The following ANAPC1 variants were observed in gnomAD, a reference collection of about 807,000 sequenced individuals.
ANAPC1 encodes the protein anaphase-promoting complex subunit 1.
In ANAPC1, 36 loss-of-function variants were observed where a neutral mutation model predicts 208.0. The observed-to-expected ratio is 0.17, with a 90% CI of 0.13 to 0.23. ANAPC1 has a LOEUF of 0.23. Ranked by LOEUF, ANAPC1 falls within the 10% of genes least tolerant of loss-of-function variation. The probability of loss-of-function intolerance (pLI) is 1.00; values close to 1 mark genes in which losing one functional copy is unlikely to be tolerated. For synonymous variants in ANAPC1, 378 were observed against 695.2 expected (o/e 0.54, Z 7.18); for missense variants, 942 against 2,011.6 (o/e 0.47, Z 10.17).
In ANAPC1 at chr2:111,838,502, T is replaced by A. The variant is rs768031706; in HGVS notation, c.2051A>T (p.Glu684Val). ...RLAWTRNFDF[E>V]GSLSPVIAPK... ...CGCAATGACAGGAGAAAGTGATCCTTCAAAGTCAAACTGAAAAGTAACCCC... is the reference window on the plus strand; with the variant it reads ...CGCAATGACAGGAGAAAGTGATCCTACAAAGTCAAACTGAAAAGTAACCCC... The change falls in exon 18 of 48, where the codon GAA becomes GTA. Residue 684 changes from glutamate to valine, a missense_variant. Transcript: ENST00000341068. 6.2e-7 allele frequency: 1 copy of A among 1,604,306 alleles called. No homozygotes were observed.
intron 8 of ANAPC1, 129 bp downstream of exon 8, chr2:111,864,677 G>A (rs1008593147): frequency 1.4e-6 from 2 of 1,478,346 alleles, no homozygotes; most frequent in Middle Eastern, 2.6e-4. Context: ...GGCCAGGCTG[G>A]TCTTGAACGT....
chr2:111,790,694 A>C (rs1223716428), intron 38 of ANAPC1, among the ~76,000 whole-genome samples: 1 of 152,060 alleles, frequency 6.6e-6, no homozygotes, highest in Non-Finnish European at 1.5e-5. Flanking sequence ...AAAAACTATA[A>C]AAGAAGAACA....
chr2:111,825,114 G>A lies in ANAPC1; in HGVS notation c.2741+17C>T, dbSNP rs958280582. The A allele has an allele frequency of 6.2e-7, 1 of 1,613,794 alleles. No individual in the cohort carries two copies. The highest frequency in any genetic ancestry group is 1.3e-5 in the African/African-American group (1 of 74,906). ...TTTAAGTGTTTGACATAAAAGCACA[G>A]TCTAAATAAAAGTCACCTGTTTTCC... On this transcript the variant is annotated intron_variant, in intron 23 of 47. Coordinates refer to ENST00000341068, the MANE Select transcript of ANAPC1 (RefSeq NM_022662.4).
intron 13 of ANAPC1, among the ~76,000 whole-genome samples, 194 bp from the exon 14 acceptor site, chr2:111,851,104 TA>T (rs200541885): frequency 1.3e-5 from 2 of 151,596 alleles, no homozygotes; most frequent in East Asian, 3.9e-4. Flanking sequence ...TATGTTGGTA[TA>T]ATTTTTTTTT....
In ANAPC1 at chr2:111,834,680, A is replaced by T. The variant is rs1222507369; in HGVS notation, c.2308T>A (p.Tyr770Asn). Residue 770 changes from tyrosine to asparagine, a missense_variant, in exon 19 of 48, where the codon TAT becomes AAT. Coordinates refer to ENST00000341068, the MANE Select transcript of ANAPC1 (RefSeq NM_022662.4). ...AGAGTATTCAACTTAAGCTCCTCAT[A>T]CACAAGGTGAAGAACGAAAAAAATT... Reference protein sequence around the residue: ...PAIFFVLHLVYEELKLNTLMG... With the variant: ...PAIFFVLHLVNEELKLNTLMG... 61 of 1,613,536 alleles carry T rather than the reference A, an allele frequency of 3.8e-5. No homozygotes were observed. Among genetic ancestry groups the T allele is most frequent in the Non-Finnish European group, 5.1e-5 (60 of 1,179,792 alleles).
chr2:111,791,392 A>C (rs1442348152), intron 38 of ANAPC1, among the ~76,000 whole-genome samples: 1 of 149,624 alleles, frequency 6.7e-6, no homozygotes, highest in African/African-American at 2.5e-5. Flanking sequence ...ACTGAAAGTG[A>C]ATACACACGT....
chr2:111,840,695 G>A lies in ANAPC1; in HGVS notation c.2041-2183C>T, dbSNP rs190058503. On this transcript the variant is annotated intron_variant, in intron 17 of 47. Coordinates refer to ENST00000341068, the MANE Select transcript of ANAPC1 (RefSeq NM_022662.4). The stretch of plus-strand genomic sequence containing the variant: ...TCTATGAGGCTTAATCTTTTCACAT[G>A]TAATAAAGAACAGAAAAATTGGGGA... Among the ~76,000 whole-genome samples, 7 of 152,266 alleles carry A rather than the reference G, an allele frequency of 4.6e-5. No individual in the cohort carries two copies. In the East Asian group the frequency reaches 1.2e-3, roughly 25 times the overall value.
At chr2:111,832,913 G>C (rs992085745) in intron 20 of ANAPC1, among the ~76,000 whole-genome samples, 16 of 120,152 alleles carry the variant, frequency 1.3e-4, no homozygotes, top group African/African-American at 3.2e-4. Context: ...ACCCCAGCCT[G>C]GGTGACAGAG....
rs913028394 is a variant in ANAPC1 at position 111,827,611 on chromosome 2, C to T, written c.2626-1756G>A. Among the ~76,000 whole-genome samples, 37 of 151,976 alleles carry T rather than the reference C, an allele frequency of 2.4e-4. 1 individual carries two copies. Among genetic ancestry groups the T allele is most frequent in the African/African-American group, 8.7e-4 (36 of 41,442 alleles). On this transcript the variant is annotated intron_variant, in intron 21 of 47. Coordinates refer to ENST00000341068, the MANE Select transcript of ANAPC1 (RefSeq NM_022662.4). Reference sequence around the variant, plus strand: ...CTCTACTAAAAATACAAAAATTAGCCGGGTGTGATGGTGTGCACCTGTGGT... The same window carrying T: ...CTCTACTAAAAATACAAAAATTAGCTGGGTGTGATGGTGTGCACCTGTGGT...
intron 13 of ANAPC1, among the ~76,000 whole-genome samples, chr2:111,854,586 C>G (rs1336425200): frequency 6.6e-6 from 1 of 152,212 alleles, no homozygotes; most frequent in Non-Finnish European, 1.5e-5. Context: ...AGTGTAGCCA[C>G]CTGCATCAAT....
chr2:111,832,328 G>A (rs899841048), intron 20 of ANAPC1, among the ~76,000 whole-genome samples: 54 of 141,908 alleles, frequency 3.8e-4, no homozygotes, highest in African/African-American at 1.1e-3. Context: ...AAAAAAAGAA[G>A]AATCTAATCA....
chr2:111,838,274 A>G (rs1466616208), intron 18 of ANAPC1, among the ~76,000 whole-genome samples, 164 bp downstream of exon 18: 1 of 152,154 alleles, frequency 6.6e-6, no homozygotes, highest in South Asian at 2.1e-4. Flanking sequence ...ACCACAGAAA[A>G]TGTAACAGAT....
chr2:111,870,339 G>A (rs1682678062), intron 6 of ANAPC1, among the ~76,000 whole-genome samples: 1 of 152,180 alleles, frequency 6.6e-6, no homozygotes, highest in Admixed American at 6.5e-5. Context: ...CACCAGCAGT[G>A]TATAAGCATT....
chr2:111,882,306 T>A (rs1262789274), intron 1 of ANAPC1, among the ~76,000 whole-genome samples: 4 of 152,148 alleles, frequency 2.6e-5, no homozygotes, highest in Admixed American at 6.5e-5. Context: ...TCTGCTGCAA[T>A]CCCCGTTGTT....
intron 7 of ANAPC1, chr2:111,866,180 G>A (rs959019863): frequency 3.9e-6 from 1 of 254,122 alleles, no homozygotes; most frequent in South Asian, 4.0e-5. Flanking sequence ...CTCCAGCCTG[G>A]GCAACAGAGC....
In ANAPC1 at chr2:111,825,797, T is replaced by C. The variant is rs540685853; in HGVS notation, c.2684A>G (p.Tyr895Cys). 2.0e-4 allele frequency: 329 copies of C among 1,613,798 alleles called. 7 individuals carry two copies. In the South Asian group the frequency reaches 3.3e-3, roughly 16 times the overall value. ...ESLVSDESSQ[Y>C]LTRITIAPQK... Reference sequence around the variant, plus strand: ...CTTACCTATAGTTATTCTGGTTAAATACTGTGAGGATTCATCAGAAACCAA... The same window carrying C: ...CTTACCTATAGTTATTCTGGTTAAACACTGTGAGGATTCATCAGAAACCAA... The change falls in exon 22 of 48, where the codon TAT becomes TGT. Residue 895 changes from tyrosine to cysteine, a missense_variant. Tyr to Cys is a radical substitution (Grantham distance 194). Transcript: ENST00000341068.
chr2:111,855,192 A>G (rs1159003469), intron 13 of ANAPC1, among the ~76,000 whole-genome samples: 3 of 152,210 alleles, frequency 2.0e-5, no homozygotes, highest in African/African-American at 7.2e-5. Context: ...AGACCACACA[A>G]AACATTTATC....
At chr2:111,801,689 T>C (rs141975392) in intron 33 of ANAPC1, among the ~76,000 whole-genome samples, 6,323 of 151,414 alleles carry the variant, frequency 0.042, 266 homozygotes, top group Non-Finnish European at 0.058. Context: ...AAATCCTAAG[T>C]TGGGAACCGT....
intron 42 of ANAPC1, among the ~76,000 whole-genome samples, chr2:111,783,203 T>C (rs374168813): frequency 5.9e-5 from 9 of 152,002 alleles, no homozygotes; most frequent in East Asian, 1.9e-4. Context: ...TAAAGTTCTT[T>C]TGTGCATGTA....
Sources: gnomAD v4.1 joint callset for allele counts (sites outside exome capture counted in the v4.1 genomes callset) on GRCh38, gnomAD v4.1.1 for gene constraint, MANE v1.5 for transcripts, NCBI Gene and HGNC (gene_info 2026-07-23, HGNC 2026-07-21) for gene names.